The following MYO10 variants were observed in gnomAD, a reference collection of about 807,000 sequenced individuals.
MYO10 encodes myosin X, also known as unconventional myosin-X.
Under a neutral mutation model 257.3 loss-of-function variants are expected in MYO10, and 133 were observed. That is an observed-to-expected ratio of 0.52 (90% CI 0.45 to 0.60). The LOEUF (loss-of-function observed/expected upper bound fraction) is 0.60. Ranked by LOEUF, MYO10 falls within the 20% of genes least tolerant of loss-of-function variation. MYO10 has a pLI of 0.00. For synonymous variants in MYO10, 1,104 were observed against 1,028.6 expected, an observed-to-expected ratio of 1.07 and a Z score of -1.40; for missense variants, 2,399 against 2,635.7, an observed-to-expected ratio of 0.91 and a Z score of 1.97.
chr5:16,741,903 G>A, intron 19 of MYO10: 1 of 985,392 alleles, frequency 1.0e-6, no homozygotes, highest in South Asian at 4.7e-5. Flanking sequence ...ACAAAAATGG[G>A]CTTTCTTCGG....
At chr5:16,816,816 C>T (rs1742630624) in intron 3 of MYO10, among the ~76,000 whole-genome samples, 1 of 151,448 alleles carries the variant, frequency 6.6e-6, no homozygotes, top group Non-Finnish European at 1.5e-5. Context: ...GCGTGAGCCA[C>T]CGCACCTGGC....
chr5:16,739,744 T>A (rs748266845), intron 19 of MYO10, among the ~76,000 whole-genome samples: 6 of 152,092 alleles, frequency 3.9e-5, no homozygotes, highest in Non-Finnish European at 8.8e-5. Flanking sequence ...TAAACTATGA[T>A]CCCAATTTAA....
intron 19 of MYO10, among the ~76,000 whole-genome samples, chr5:16,718,951 G>A (rs1009006928): frequency 2.6e-5 from 4 of 152,268 alleles, no homozygotes; most frequent in Admixed American, 6.5e-5. Context: ...CAGGCCACTC[G>A]GCTCTACCAA....
chr5:16,791,827 T>C (rs1056088695), intron 4 of MYO10, among the ~76,000 whole-genome samples: 4 of 152,232 alleles, frequency 2.6e-5, no homozygotes, highest in Admixed American at 6.5e-5. Context: ...CCAGAACTTT[T>C]ATGAAGTCAT....
intron 4 of MYO10, 108 bp downstream of exon 4, chr5:16,794,538 C>A: frequency 5.7e-6 from 6 of 1,052,136 alleles, no homozygotes; most frequent in East Asian, 3.0e-5. Context: ...GAAACTCAGG[C>A]GGTTGTAAAA....
intron 36 of MYO10, 124 bp downstream of exon 36, chr5:16,673,558 A>T: frequency 1.1e-6 from 1 of 926,952 alleles, no homozygotes; most frequent in Non-Finnish European, 1.6e-6. Flanking sequence ...CTTAGTATTG[A>T]GAGCTGTACT....
At chr5:16,903,931 A>G (rs954444558) in intron 1 of MYO10, among the ~76,000 whole-genome samples, 2 of 152,218 alleles carry the variant, frequency 1.3e-5, no homozygotes, top group Admixed American at 6.5e-5. Flanking sequence ...AGATTTGGTC[A>G]GCGTCATTGT....
chr5:16,674,548 G>A (rs897409078), intron 35 of MYO10, among the ~76,000 whole-genome samples: 3 of 146,994 alleles, frequency 2.0e-5, no homozygotes, highest in African/African-American at 7.7e-5. Context: ...TCTTTGATCT[G>A]GAACAAATAT....
At chr5:16,921,777 CAGTT>C (rs1358026409) in intron 1 of MYO10, among the ~76,000 whole-genome samples, 3 of 152,088 alleles carry the variant, frequency 2.0e-5, no homozygotes, top group Non-Finnish European at 4.4e-5. Flanking sequence ...TGTCTGAAGA[CAGTT>C]GGTTGTCACA....
At position 16,718,327 on chromosome 5, in the gene MYO10, A is replaced by G. The variant is rs559329772; in HGVS notation, c.1930-7082T>C. 5.5e-3 allele frequency among the ~76,000 whole-genome samples: 833 copies of G among 152,358 alleles called. 12 individuals carry two copies. Among genetic ancestry groups the G allele is most frequent in the African/African-American group, 0.019 (795 of 41,590 alleles). On this transcript the variant is annotated intron_variant, in intron 19 of 40. Coordinates refer to ENST00000513610, the MANE Select transcript of MYO10 (RefSeq NM_012334.3). ...CAGTCCCATCGACCACCTAAGGGCTAAGGAATGCGAGCGCACGGCGCAGGA... is the reference window on the plus strand; with the variant it reads ...CAGTCCCATCGACCACCTAAGGGCTGAGGAATGCGAGCGCACGGCGCAGGA...
intron 1 of MYO10, among the ~76,000 whole-genome samples, chr5:16,927,324 G>C (rs1004369608): frequency 5.3e-5 from 8 of 151,950 alleles, no homozygotes; most frequent in Non-Finnish European, 1.0e-4. Context: ...TTGTTTGTTT[G>C]TTTATTTATT....
intron 19 of MYO10, among the ~76,000 whole-genome samples, chr5:16,739,349 C>T (rs1056550064): frequency 2.0e-5 from 3 of 152,046 alleles, no homozygotes; most frequent in Admixed American, 1.3e-4. Flanking sequence ...GTTTTTTACT[C>T]GTTTTTCTAC....
At chr5:16,924,855 G>C (rs1232448126) in intron 1 of MYO10, among the ~76,000 whole-genome samples, 1 of 117,232 alleles carries the variant, frequency 8.5e-6, no homozygotes, top group Non-Finnish European at 1.6e-5. Flanking sequence ...TTTTGAGACA[G>C]AGTCTCACTT....
chr5:16,792,071 C>T (rs866444332), intron 4 of MYO10, among the ~76,000 whole-genome samples: 2 of 151,626 alleles, frequency 1.3e-5, no homozygotes, highest in Non-Finnish European at 1.5e-5. Flanking sequence ...GACAGTACCT[C>T]TGCCCATATG....
Position 16,763,760 on chromosome 5 carries a change from G to C in MYO10, c.1327-5C>G, listed in dbSNP as rs1423607582. On this transcript the variant is annotated splice_polypyrimidine_tract_variant and splice_region_variant and intron_variant, in intron 12 of 40. Coordinates refer to ENST00000513610, the MANE Select transcript of MYO10 (RefSeq NM_012334.3). ...GAACTGTTCAAAGTGATTAACCTAAGGGGGGAAAGCATTCAATAAGTATCT... is the reference window on the plus strand; with the variant it reads ...GAACTGTTCAAAGTGATTAACCTAACGGGGGAAAGCATTCAATAAGTATCT... The C allele has an allele frequency of 6.6e-7, 1 of 1,523,312 alleles. No individual in the cohort carries two copies. Among genetic ancestry groups the C allele is most frequent in the East Asian group, 2.3e-5 (1 of 44,242 alleles). 94.4% of individuals were successfully genotyped at this position (1,523,312 alleles called of 1,614,324 possible).
intron 2 of MYO10, among the ~76,000 whole-genome samples, chr5:16,853,725 G>GT (rs201374064): frequency 0.012 from 1,846 of 152,260 alleles, 33 homozygotes; most frequent in Middle Eastern, 0.034. Flanking sequence ...ACTTTGCCCT[G>GT]TGTGCTATCA....
In MYO10 at chr5:16,676,053, C is replaced by A; in HGVS notation, c.4644G>T (p.Pro1548=). 1 of 1,610,004 alleles carries A rather than the reference C, an allele frequency of 6.2e-7. No homozygotes were observed. The highest frequency in any genetic ancestry group is 8.5e-7 in the Non-Finnish European group (1 of 1,178,730). Residue 1548 remains proline, a synonymous_variant, in exon 34 of 41, where the codon CCG becomes CCT. Transcript: ENST00000513610. ...HPLHSPLLPL[P]YGDINLNLLK... is the part of the protein sequence containing the mutation. ...TACAGTTGAGATTTATGTCCCCATACGGAAGGGGCAGGAGCGGGGAGTGCA... is the reference window on the plus strand; with the variant it reads ...TACAGTTGAGATTTATGTCCCCATAAGGAAGGGGCAGGAGCGGGGAGTGCA...
At chr5:16,754,773 C>A in intron 19 of MYO10, 55 bp downstream of exon 19, 1 of 1,350,492 alleles carries the variant, frequency 7.4e-7, no homozygotes. Context: ...GTAACCACCC[C>A]AGGAGGCTGT....
At chr5:16,855,874 A>C (rs1743946236) in intron 2 of MYO10, among the ~76,000 whole-genome samples, 1 of 147,102 alleles carries the variant, frequency 6.8e-6, no homozygotes, top group Non-Finnish European at 1.5e-5. Flanking sequence ...TGAAATGCTC[A>C]CTGAATTCTC....
Sources: allele counts gnomAD v4.1 joint callset (sites outside exome capture counted in the v4.1 genomes callset), GRCh38; gene constraint gnomAD v4.1.1; transcripts MANE v1.5; gene names NCBI Gene and HGNC (gene_info 2026-07-23, HGNC 2026-07-21).